Variants in CPNE8 observed in about 807,000 individuals in gnomAD.
CPNE8 encodes copine-8.
A neutral mutation model predicts 81.5 loss-of-function variants in CPNE8; 45 were observed. That is an observed-to-expected ratio of 0.55 (90% confidence interval 0.44 to 0.71). The LOEUF is 0.71. Ranked by LOEUF, CPNE8 falls within the 30% of genes least tolerant of loss-of-function variation. The pLI, the probability that CPNE8 is intolerant of heterozygous loss-of-function variation, is 0.00. For missense variants in CPNE8, 594 were observed against 672.1 expected (o/e 0.88, Z 1.28); for synonymous variants, 252 against 226.3 (o/e 1.11, Z -1.02).
At chr12:38,821,341 T>A (rs1943106474) in intron 6 of CPNE8, among the ~76,000 whole-genome samples, 2 of 152,158 alleles carry the variant, frequency 1.3e-5, no homozygotes, top group Admixed American at 6.5e-5. Context: ...TAGTAAAGAT[T>A]TGTTGAATAT....
chr12:38,769,479 T>C (rs914927510), intron 7 of CPNE8, among the ~76,000 whole-genome samples: 1 of 152,218 alleles, frequency 6.6e-6, no homozygotes, highest in African/African-American at 2.4e-5. Flanking sequence ...AAAGGCAGCA[T>C]TGAAAAGGCG....
Position 38,765,866 on chromosome 12 carries a change from T to TA in CPNE8, c.575+1768_575+1769insT, listed in dbSNP as rs561902899. Among the ~76,000 whole-genome samples the TA allele has an allele frequency of 1.4e-3, 216 of 152,180 alleles. 1 individual carries two copies. The highest frequency in any genetic ancestry group is 4.9e-3 in the African/African-American group (204 of 41,548). ...TAATGAGTGAACATCTTTTTTTATTTTTTTTTTTTAAGATGGAGTTTCACT... is the reference window on the plus strand; with the variant it reads ...TAATGAGTGAACATCTTTTTTTATTTATTTTTTTTTAAGATGGAGTTTCACT... On this transcript the variant is annotated intron_variant, in intron 8 of 19. Transcript: ENST00000331366.
chr12:38,783,199 C>T (rs775388779), intron 6 of CPNE8, among the ~76,000 whole-genome samples: 5 of 152,174 alleles, frequency 3.3e-5, no homozygotes, highest in Admixed American at 6.5e-5. Context: ...TGGTGGAAGG[C>T]GGAGCAAGAT....
intron 1 of CPNE8, among the ~76,000 whole-genome samples, chr12:38,900,632 C>A (rs1263854460): frequency 6.6e-6 from 1 of 152,156 alleles, no homozygotes; most frequent in Non-Finnish European, 1.5e-5. Flanking sequence ...GGGCAAAGAG[C>A]AGCACCTGTG....
At chr12:38,886,583 G>A (rs1253912575) in intron 1 of CPNE8, among the ~76,000 whole-genome samples, 1 of 152,176 alleles carries the variant, frequency 6.6e-6, no homozygotes, top group South Asian at 2.1e-4. Flanking sequence ...CTAGAGTAGT[G>A]TATGGGAATA....
chr12:38,853,497 A>T (rs1057032584), intron 3 of CPNE8, among the ~76,000 whole-genome samples: 7 of 152,176 alleles, frequency 4.6e-5, no homozygotes, highest in African/African-American at 1.4e-4. Flanking sequence ...ATAATGATAC[A>T]GTATTAAGTT....
intron 15 of CPNE8, among the ~76,000 whole-genome samples, chr12:38,690,706 T>A (rs1232377176): frequency 6.6e-6 from 1 of 151,992 alleles, no homozygotes; most frequent in Non-Finnish European, 1.5e-5. Context: ...AGGAAAAAAA[T>A]ACACACTAGT....
intron 19 of CPNE8, among the ~76,000 whole-genome samples, chr12:38,659,320 T>G (rs1938897858): frequency 6.6e-6 from 1 of 151,360 alleles, no homozygotes; most frequent in African/African-American, 2.4e-5. Context: ...TACATAATGG[T>G]AAAGGGATCA....
At chr12:38,837,558 G>GA (rs1360134973) in intron 5 of CPNE8, among the ~76,000 whole-genome samples, 7 of 151,958 alleles carry the variant, frequency 4.6e-5, no homozygotes, top group Non-Finnish European at 1.0e-4. Context: ...AAAGTTATGA[G>GA]AAAAAATAAT....
chr12:38,706,412 A>G (rs1940106776), intron 13 of CPNE8, among the ~76,000 whole-genome samples: 1 of 152,162 alleles, frequency 6.6e-6, no homozygotes, highest in African/African-American at 2.4e-5. Context: ...AATTTTATCC[A>G]TTGATTTTCT....
chr12:38,784,808 T>C (rs567058253), intron 6 of CPNE8, among the ~76,000 whole-genome samples: 23 of 152,190 alleles, frequency 1.5e-4, no homozygotes, highest in African/African-American at 5.5e-4. Flanking sequence ...GAATAAGACA[T>C]AAAGAATTTC....
At chr12:38,667,087 C>T (rs34311455) in intron 19 of CPNE8, among the ~76,000 whole-genome samples, 49,833 of 152,038 alleles carry the variant, frequency 0.33, 9,925 homozygotes, top group Non-Finnish European at 0.45. Context: ...TGAACCTCAG[C>T]TACATACTAT....
rs200471171 is a variant in CPNE8 at position 38,712,205 on chromosome 12, A to ATTTTT, written c.915-9289_915-9285dup. Among the ~76,000 whole-genome samples the ATTTTT allele has an allele frequency of 4.1e-3, 555 of 135,908 alleles. 4 individuals carry two copies. The highest frequency in any genetic ancestry group is 0.014 in the African/African-American group (513 of 37,226). The allele number at this position is 135,908 out of a possible 152,430, so 89.2% of individuals were successfully genotyped here. A position where few individuals can be genotyped will look rare whatever the true frequency, so the allele number is the denominator to read the frequency against. ...GCAACATATCCAATGCAATGATGCC[A>ATTTTT]TTTTTTTTTTTTTTTTTTTAGAAGA... On this transcript the variant is annotated intron_variant, in intron 13 of 19. Coordinates refer to ENST00000331366, the MANE Select transcript of CPNE8 (RefSeq NM_153634.3).
chr12:38,812,544 G>A (rs1387583449), intron 6 of CPNE8, among the ~76,000 whole-genome samples: 3 of 152,066 alleles, frequency 2.0e-5, no homozygotes, highest in African/African-American at 2.4e-5. Flanking sequence ...GCAGCATGAC[G>A]GTAACCACCC....
At chr12:38,845,944 G>A (rs1429882843) in intron 4 of CPNE8, among the ~76,000 whole-genome samples, 1 of 152,114 alleles carries the variant, frequency 6.6e-6, no homozygotes, top group Admixed American at 6.5e-5. Flanking sequence ...CATGCAAAAG[G>A]TAAAACAATA....
Position 38,777,151 on chromosome 12 carries a change from T to C in CPNE8, c.408-850A>G, listed in dbSNP as rs372385777. Among the ~76,000 whole-genome samples the C allele has an allele frequency of 8.2e-4, 125 of 152,204 alleles. No homozygotes were observed. The East Asian group carries it at 8.9e-3, about 11-fold the overall frequency. On this transcript the variant is annotated intron_variant, in intron 6 of 19. Transcript: ENST00000331366. ...TGCATGGTACTGCCCCTGAAGGTTT[T>C]CCAGTGGGACAAGATGTGGAGGTGG...
At position 38,707,767 on chromosome 12, in the gene CPNE8, A is replaced by G. The variant is rs567970901; in HGVS notation, c.915-4846T>C. 3.9e-5 allele frequency among the ~76,000 whole-genome samples: 6 copies of G among 152,316 alleles called. No individual in the cohort carries two copies. In the East Asian group the frequency reaches 7.7e-4, roughly 20 times the overall value. On this transcript the variant is annotated intron_variant, in intron 13 of 19. Transcript: ENST00000331366. ...AATCAGCAGCAGCATTCAGCTCAGAAGGAAAATATTATGGCTTACTAAATA... is the reference window on the plus strand; with the variant it reads ...AATCAGCAGCAGCATTCAGCTCAGAGGGAAAATATTATGGCTTACTAAATA...
chr12:38,792,932 T>G (rs529241850), intron 6 of CPNE8, among the ~76,000 whole-genome samples: 7 of 151,880 alleles, frequency 4.6e-5, no homozygotes, highest in African/African-American at 1.7e-4. Context: ...GTTCAACATA[T>G]GAAAATCAAT....
intron 10 of CPNE8, among the ~76,000 whole-genome samples, chr12:38,746,555 T>C (rs1941230861): frequency 6.6e-6 from 1 of 152,240 alleles, no homozygotes; most frequent in Non-Finnish European, 1.5e-5. Flanking sequence ...GAAAGTTTCT[T>C]AACATGATAT....
Sources: gnomAD v4.1 joint callset for allele counts (sites outside exome capture counted in the v4.1 genomes callset) on GRCh38, gnomAD v4.1.1 for gene constraint, MANE v1.5 for transcripts, NCBI Gene and HGNC (gene_info 2026-07-23, HGNC 2026-07-21) for gene names.